The following MYOM1 variants were observed in gnomAD, a reference collection of about 807,000 sequenced individuals.
MYOM1 encodes the protein myomesin-1.
In MYOM1, 164 loss-of-function variants were observed where a neutral mutation model predicts 205.3. The observed-to-expected ratio is 0.80, with a 90% CI of 0.70 to 0.91. The LOEUF (loss-of-function observed/expected upper bound fraction) is 0.91, where lower values mean the gene tolerates loss of function less well. Among genes scored for constraint, MYOM1 ranks in the 40% least tolerant of loss-of-function variants. The pLI, the probability that MYOM1 is intolerant of heterozygous loss-of-function variation, is 0.00. For missense variants in MYOM1, 2,011 were observed against 2,127.3 expected, an observed-to-expected ratio of 0.95 and a Z score of 1.08; for synonymous variants, 772 against 789.4, an observed-to-expected ratio of 0.98 and a Z score of 0.37.
chr18:3,191,999 C>T (rs1003934981), intron 3 of MYOM1, among the ~76,000 whole-genome samples: 4 of 152,044 alleles, frequency 2.6e-5, no homozygotes, highest in African/African-American at 4.8e-5. Context: ...CCTGGCCTCA[C>T]GTCTTCTTTT....
At chr18:3,070,989 G>A (rs1375018715) in intron 37 of MYOM1, among the ~76,000 whole-genome samples, 3 of 152,022 alleles carry the variant, frequency 2.0e-5, no homozygotes, top group African/African-American at 7.2e-5. Context: ...AAACTCCTGG[G>A]CTCAAGTGAT....
In MYOM1 at chr18:3,090,738, T is replaced by C. The variant is rs1567900138; in HGVS notation, c.3929A>G (p.Asp1310Gly). Residue 1310 changes from aspartate to glycine, a missense_variant, in exon 27 of 38, where the codon GAT (aspartate) becomes GGT (glycine). Asp to Gly is a moderately conservative substitution (Grantham distance 94). Coordinates refer to ENST00000356443, the MANE Select transcript of MYOM1 (RefSeq NM_003803.4). ...IIEMFMEKLQ[D>G]EDEGTYTFQL... ...GAAAGTGTACGTTCCCTCATCCTCA[T>C]CCTGTAGCTTTTCCATGAACATTTC... The C allele has an allele frequency of 6.2e-7, 1 of 1,613,958 alleles. No homozygotes were observed. Among genetic ancestry groups the C allele is most frequent in the South Asian group, 1.1e-5 (1 of 91,070 alleles).
intron 3 of MYOM1, among the ~76,000 whole-genome samples, chr18:3,191,906 C>T (rs1011079858): frequency 1.2e-4 from 19 of 152,048 alleles, no homozygotes; most frequent in African/African-American, 3.4e-4. Context: ...CCGTGTTAGC[C>T]AGGATGGTCT....
rs1297563012 is a variant in MYOM1 at position 3,189,730 on chromosome 18, G to A, written c.432-643C>T. On this transcript the variant is annotated intron_variant, in intron 3 of 37. Transcript: ENST00000356443. The surrounding 1 kb of genome is among the most constrained non-coding windows in gnomAD (Gnocchi z 4.8). ...AGATAAGTTAGATAACTTGGCCAAGGTCGTCTCACTGGTTGTCTTAGTGTG... is the reference window on the plus strand; with the variant it reads ...AGATAAGTTAGATAACTTGGCCAAGATCGTCTCACTGGTTGTCTTAGTGTG... 2.0e-5 allele frequency among the ~76,000 whole-genome samples: 3 copies of A among 152,146 alleles called. No homozygotes were observed. Among genetic ancestry groups the A allele is most frequent in the African/African-American group, 7.2e-5 (3 of 41,420 alleles).
chr18:3,088,852 A>G (rs2079187223), intron 29 of MYOM1, among the ~76,000 whole-genome samples: 1 of 152,212 alleles, frequency 6.6e-6, no homozygotes, highest in Non-Finnish European at 1.5e-5. Context: ...ATTCTGGAAT[A>G]GGTCTATGAC....
intron 1 of MYOM1, among the ~76,000 whole-genome samples, chr18:3,215,526 C>CATTCTGGCTG (rs2081254358): frequency 6.6e-6 from 1 of 151,774 alleles, no homozygotes; most frequent in South Asian, 2.1e-4. Flanking sequence ...TTGCTTGAGC[C>CATTCTGGCTG]CAAGACTTCG....
intron 36 of MYOM1, among the ~76,000 whole-genome samples, chr18:3,072,399 G>A (rs2078970204): frequency 7.5e-6 from 1 of 133,164 alleles, no homozygotes; most frequent in Non-Finnish European, 1.5e-5. Context: ...TGTCACCCAG[G>A]GTGGAATGCA....
chr18:3,161,236 T>C (rs2144036447), intron 10 of MYOM1, among the ~76,000 whole-genome samples: 1 of 152,324 alleles, frequency 6.6e-6, no homozygotes, highest in African/African-American at 2.4e-5. Flanking sequence ...TTATATGCTT[T>C]TCAGATGTTT....
Position 3,193,896 on chromosome 18 carries a change from C to T in MYOM1, c.353G>A (p.Arg118Lys). 6.2e-7 allele frequency: 1 copy of T among 1,613,872 alleles called. No individual in the cohort carries two copies. The highest frequency in any genetic ancestry group is 8.5e-7 in the Non-Finnish European group (1 of 1,179,834). Reference protein sequence around the residue: ...YSSKLSPKPKRAKHSLLSGEE... With the variant: ...YSSKLSPKPKKAKHSLLSGEE... ...TCCAGACAGTAGGCTGTGCTTGGCT[C>T]TCTTTGGTTTGGGGCTCAACTTGGA... The change falls in exon 3 of 38, where the codon AGA becomes AAA. Residue 118 changes from arginine to lysine, a missense_variant. Physicochemically the swap from Arg to Lys is conservative, Grantham distance 26 (BLOSUM62 2). Transcript: ENST00000356443.
intron 20 of MYOM1, among the ~76,000 whole-genome samples, chr18:3,119,536 C>G (rs549155651): frequency 6.6e-6 from 1 of 152,128 alleles, no homozygotes. Flanking sequence ...CTTTAAGTGG[C>G]CTTTCAGAAG....
intron 21 of MYOM1, among the ~76,000 whole-genome samples, 187 bp from the exon 22 acceptor site, chr18:3,112,599 C>T (rs1000927897): frequency 6.6e-6 from 1 of 152,226 alleles, no homozygotes; most frequent in Non-Finnish European, 1.5e-5. Flanking sequence ...AGATGGTCTT[C>T]TCTCTAGACC....
At chr18:3,245,458 A>G in the MYOM1 span, among the ~76,000 whole-genome samples, 42 of 152,212 alleles carry the variant, frequency 2.8e-4, no homozygotes, top group African/African-American at 8.4e-4. Context: ...AAGATCTCCC[A>G]TAGGGTCCAA....
At chr18:3,159,908 T>G (rs2080357728) in intron 10 of MYOM1, among the ~76,000 whole-genome samples, 1 of 140,726 alleles carries the variant, frequency 7.1e-6, no homozygotes, top group Non-Finnish European at 1.5e-5. Flanking sequence ...CTTCCTTCCT[T>G]CCTTCCTTCC....
chr18:3,129,652 CT>C (rs1451597405), intron 17 of MYOM1, 133 bp from the exon 18 acceptor site: 1 of 894,546 alleles, frequency 1.1e-6, no homozygotes, highest in Non-Finnish European at 1.6e-6. Flanking sequence ...AAGAAAATCG[CT>C]CACATTTGCA....
In MYOM1 at chr18:3,084,005, T is replaced by A; in HGVS notation, c.4362A>T (p.Glu1454Asp). The change falls in exon 32 of 38, where the codon GAA (glutamate) becomes GAT (aspartate). Residue 1454 changes from glutamate (E) to aspartate (D), a missense_variant. By Grantham distance (45) the Glu-to-Asp change is conservative. Transcript: ENST00000356443. Reference protein sequence around the residue: ...VDEAFKELMMEVCKKIALSAT... With the variant: ...VDEAFKELMMDVCKKIALSAT... ...TTGACTCACCTATTTTTTTGCATAC[T>A]TCCATCATCAGTTCCTTAAAGGCTG... 6.3e-7 allele frequency: 1 copy of A among 1,586,648 alleles called. No homozygotes were observed. The highest frequency in any genetic ancestry group is 1.2e-5 in the South Asian group (1 of 86,950).
At chr18:3,243,379 A>G in the MYOM1 span, among the ~76,000 whole-genome samples, 7 of 152,374 alleles carry the variant, frequency 4.6e-5, no homozygotes, top group African/African-American at 1.2e-4. Flanking sequence ...AAAAATTGCA[A>G]GTGATCCATA....
chr18:3,147,284 A>G (rs2080143019), intron 13 of MYOM1, among the ~76,000 whole-genome samples: 1 of 151,502 alleles, frequency 6.6e-6, no homozygotes, highest in Non-Finnish European at 1.5e-5. Context: ...GGAATTGATA[A>G]AAGAGGAGCA....
Position 3,179,964 on chromosome 18 carries a change from C to A in MYOM1, c.930-3830G>T, listed in dbSNP as rs2080705008. 6.6e-6 allele frequency among the ~76,000 whole-genome samples: 1 copy of A among 152,046 alleles called. No individual in the cohort carries two copies. Among genetic ancestry groups the A allele is most frequent in the Non-Finnish European group, 1.5e-5 (1 of 68,012 alleles). On this transcript the variant is annotated intron_variant, in intron 5 of 37. Coordinates refer to ENST00000356443, the MANE Select transcript of MYOM1 (RefSeq NM_003803.4). This position sits in a 1 kb window ranked among gnomAD's most constrained non-coding sequence, Gnocchi z 4.4. Reference sequence around the variant, plus strand: ...AGTGACACTCAATTCGGCTTCGGATCAAAAGTATTGCTCATATCTCTATAA... The same window carrying A: ...AGTGACACTCAATTCGGCTTCGGATAAAAAGTATTGCTCATATCTCTATAA...
intron 22 of MYOM1, among the ~76,000 whole-genome samples, chr18:3,111,686 A>G (rs914031612): frequency 2.0e-5 from 3 of 152,240 alleles, no homozygotes; most frequent in Admixed American, 6.5e-5. Context: ...ATTATATAAT[A>G]CATATAATGT....
Sources: allele counts gnomAD v4.1 joint callset (sites outside exome capture counted in the v4.1 genomes callset), GRCh38; gene constraint gnomAD v4.1.1; non-coding constraint Gnocchi (gnomAD v3.1); transcripts MANE v1.5; gene names NCBI Gene and HGNC (gene_info 2026-07-23, HGNC 2026-07-21).